HAO1: variants seen among roughly 807,000 people sequenced by gnomAD.
HAO1 encodes 2-Hydroxyacid oxidase 1.
Under a neutral mutation model 39.7 loss-of-function variants are expected in HAO1, and 34 were observed. The ratio of observed to expected loss-of-function variants is 0.86; its 90% CI spans 0.65 to 1.14. The LOEUF (loss-of-function observed/expected upper bound fraction) is 1.14, where lower values mean the gene tolerates loss of function less well. Among genes scored for constraint, HAO1 ranks in the 50% most tolerant of loss-of-function variants. The probability of loss-of-function intolerance (pLI) is 0.00; values close to 1 mark genes in which losing one functional copy is unlikely to be tolerated. For missense variants in HAO1, 479 were observed against 464.5 expected, an observed-to-expected ratio of 1.03 and a Z score of -0.29; for synonymous variants, 172 against 173.2, an observed-to-expected ratio of 0.99 and a Z score of 0.05.
intron 3 of HAO1, among the ~76,000 whole-genome samples, chr20:7,907,719 G>A (rs1268040197): frequency 1.3e-5 from 2 of 152,068 alleles, no homozygotes; most frequent in African/African-American, 4.8e-5. Flanking sequence ...CTGTGCCTGA[G>A]GTCTTTTCTC....
intron 4 of HAO1, among the ~76,000 whole-genome samples, chr20:7,903,420 A>G (rs557202423): frequency 6.6e-6 from 1 of 152,214 alleles, no homozygotes; most frequent in South Asian, 2.1e-4. Flanking sequence ...CAAACCAGAA[A>G]TCCATATGGA....
chr20:7,925,174 T>C (rs1401497767), intron 2 of HAO1, among the ~76,000 whole-genome samples: 1 of 152,188 alleles, frequency 6.6e-6, no homozygotes, highest in Non-Finnish European at 1.5e-5. Flanking sequence ...AAGTCAGTGA[T>C]CTAAAAGAAC....
chr20:7,887,116 A>G (rs1396160621), intron 5 of HAO1, among the ~76,000 whole-genome samples: 2 of 152,160 alleles, frequency 1.3e-5, no homozygotes, highest in Non-Finnish European at 2.9e-5. Flanking sequence ...TGTTCATTTT[A>G]TAATGTCATA....
In HAO1 at chr20:7,914,374, G is replaced by A. The variant is rs377526496; in HGVS notation, c.335C>T (p.Thr112Ile). 2.5e-6 allele frequency: 4 copies of A among 1,613,918 alleles called. No homozygotes were observed. Among genetic ancestry groups the A allele is most frequent in the Non-Finnish European group, 3.4e-6 (4 of 1,179,934 alleles). The change falls in exon 3 of 8, where the codon ACC becomes ATC. Residue 112 changes from threonine to isoleucine, a missense_variant. By Grantham distance (89) the Thr-to-Ile change is moderately conservative. Transcript: ENST00000378789. ...GTGMMLSSWATSSIEEVAEAG... is the reference protein window; with the variant it reads ...GTGMMLSSWAISSIEEVAEAG... ...TTCCGCCACTTCTTCAATTGAGGAGGTGGCCCAGGAACTCAACATCATGCC... is the reference window on the plus strand; with the variant it reads ...TTCCGCCACTTCTTCAATTGAGGAGATGGCCCAGGAACTCAACATCATGCC...
At chr20:7,937,887 A>T (rs2050420703) in intron 1 of HAO1, among the ~76,000 whole-genome samples, 1 of 152,140 alleles carries the variant, frequency 6.6e-6, no homozygotes, top group South Asian at 2.1e-4. Context: ...TGCCACAGTA[A>T]TATTAGTCTG....
At chr20:7,927,650 C>T (rs2050365883) in intron 2 of HAO1, among the ~76,000 whole-genome samples, 1 of 152,042 alleles carries the variant, frequency 6.6e-6, no homozygotes, top group Admixed American at 6.5e-5. Context: ...TTTATGCTCC[C>T]AAATTTTGCA....
chr20:7,922,528 C>G (rs1268428014), intron 2 of HAO1, among the ~76,000 whole-genome samples: 1 of 152,094 alleles, frequency 6.6e-6, no homozygotes, highest in Non-Finnish European at 1.5e-5. Flanking sequence ...TTCTCCAATT[C>G]CAAGAATTCC....
intron 5 of HAO1, among the ~76,000 whole-genome samples, chr20:7,893,897 C>T (rs116158605): frequency 0.015 from 2,279 of 152,226 alleles, 64 homozygotes; most frequent in African/African-American, 0.051. Context: ...CAAGGAGAAA[C>T]GGTTGGGCAG....
chr20:7,934,496 C>G lies in HAO1; in HGVS notation c.277G>C (p.Ala93Pro). Residue 93 changes from alanine (A) to proline (P), a missense_variant, in exon 2 of 8, where the codon GCC becomes CCC. Ala to Pro is a conservative substitution (Grantham distance 27). Transcript: ENST00000378789. ...ATCTTCCTCCTACCTCTCACAGTGG[C>G]AAGCTCGCCGTCCACATGAGCCATG... The part of the protein sequence containing the change: ...QRMAHVDGEL[A>P]TVRACQSLGT... 1 of 1,609,948 alleles carries G rather than the reference C, an allele frequency of 6.2e-7. No individual in the cohort carries two copies. The highest frequency in any genetic ancestry group is 8.5e-7 in the Non-Finnish European group (1 of 1,178,674).
At position 7,914,199 on chromosome 20, in the gene HAO1, A is replaced by G. The variant is rs2122776994; in HGVS notation, c.510T>C (p.Asp170=). 1.9e-6 allele frequency: 3 copies of G among 1,614,050 alleles called. No homozygotes were observed. The East Asian group carries it at 6.7e-5, about 36-fold the overall frequency. Reference sequence around the variant, plus strand: ...GCGGCAGTTTGAATCTGTTACGCACATCATCCAGACGGTTGCCCAGGTAAG... The same window carrying G: ...GCGGCAGTTTGAATCTGTTACGCACGTCATCCAGACGGTTGCCCAGGTAAG... ...DTPYLGNRLD[D]VRNRFKLPPQ... Residue 170 remains aspartate, a synonymous_variant, in exon 3 of 8, where the codon GAT becomes GAC. Transcript: ENST00000378789.
intron 1 of HAO1, among the ~76,000 whole-genome samples, chr20:7,938,825 T>C (rs1600124859): frequency 6.6e-6 from 1 of 152,278 alleles, no homozygotes; most frequent in Middle Eastern, 3.4e-3. Context: ...ACAGTGTAGC[T>C]CATGGAGACT....
Position 7,883,474 on chromosome 20 carries a change from C to T in HAO1, c.*119G>A, listed in dbSNP as rs945727858. 33 of 766,832 alleles carry T rather than the reference C, an allele frequency of 4.3e-5. No individual in the cohort carries two copies. Among genetic ancestry groups the T allele is most frequent in the East Asian group, 3.0e-4 (12 of 39,524 alleles). The allele number at this position is 766,832 out of a possible 1,614,324, so 47.5% of individuals were successfully genotyped here. On this transcript the variant is annotated 3_prime_UTR_variant, in exon 8 of 8. Coordinates refer to ENST00000378789, the MANE Select transcript of HAO1 (RefSeq NM_017545.3). Reference sequence around the variant, plus strand: ...GGATTGCTATTTTGTTGGAAAAGAACGACACCCTTTGTATTGAAGTGGGGA... The same window carrying T: ...GGATTGCTATTTTGTTGGAAAAGAATGACACCCTTTGTATTGAAGTGGGGA...
intron 2 of HAO1, among the ~76,000 whole-genome samples, chr20:7,922,025 T>C (rs1477920607): frequency 1.3e-5 from 2 of 152,088 alleles, no homozygotes; most frequent in African/African-American, 2.4e-5. Flanking sequence ...ACCTAGGTGA[T>C]GGATTCATTT....
At chr20:7,921,513 A>T (rs149640489) in intron 2 of HAO1, among the ~76,000 whole-genome samples, 34 of 152,262 alleles carry the variant, frequency 2.2e-4, no homozygotes, top group Non-Finnish European at 4.3e-4. Flanking sequence ...AGGGAATGTA[A>T]ATTAAATAAG....
At position 7,914,330 on chromosome 20, in the gene HAO1, G is replaced by C. The variant is rs772397650; in HGVS notation, c.379C>G (p.Arg127Gly). The part of the protein sequence containing the change: ...EVAEAGPEAL[R>G]WLQLYIYKDR... ...TTGTAGATATACAGTTGCAGCCAAC[G>C]AAGTGCCTCAGGACCAGCTTCCGCC... The change falls in exon 3 of 8, where the codon CGT becomes GGT. Residue 127 changes from arginine to glycine, a missense_variant. Arg to Gly is a moderately radical substitution (Grantham distance 125, BLOSUM62 -2). Transcript: ENST00000378789. 1 of 1,613,982 alleles carries C rather than the reference G, an allele frequency of 6.2e-7. No homozygotes were observed. Among genetic ancestry groups the C allele is most frequent in the African/African-American group, 1.3e-5 (1 of 75,032 alleles).
intron 1 of HAO1, among the ~76,000 whole-genome samples, chr20:7,936,541 TGTGTGTTCGCGCG>T (rs1568522167): frequency 3.4e-4 from 50 of 147,876 alleles, no homozygotes; most frequent in Non-Finnish European, 4.5e-5. Context: ...TGTGTGTGTG[TGTGTGTTCGCGCG>T]CGCGCGCGCG....
chr20:7,888,809 T>C lies in HAO1; in HGVS notation c.814-2945A>G, dbSNP rs2294305. ...TGAACTTATGATTTGCTTTCATCAG[T>C]GGAATTGAGAGAAGTGACAGGATGC... On this transcript the variant is annotated intron_variant, in intron 5 of 7. Transcript: ENST00000378789. Among the ~76,000 whole-genome samples, 11,895 of 152,156 alleles carry C rather than the reference T, an allele frequency of 0.078. 1,054 individuals are homozygous for C. The highest frequency in any genetic ancestry group is 0.42 in the East Asian group (2,165 of 5,160).
intron 4 of HAO1, among the ~76,000 whole-genome samples, chr20:7,900,376 A>G (rs763063103): frequency 2.6e-5 from 4 of 152,134 alleles, no homozygotes; most frequent in Non-Finnish European, 5.9e-5. Context: ...TAATTAAGGT[A>G]TGTACAATGC....
intron 2 of HAO1, among the ~76,000 whole-genome samples, chr20:7,929,350 A>G (rs979718596): frequency 2.0e-5 from 3 of 152,304 alleles, no homozygotes; most frequent in Non-Finnish European, 4.4e-5. Flanking sequence ...TCTAGCATTT[A>G]TTTCATGAAT....
Sources: allele counts gnomAD v4.1 joint callset (sites outside exome capture counted in the v4.1 genomes callset), GRCh38; gene constraint gnomAD v4.1.1; transcripts MANE v1.5; gene names NCBI Gene and HGNC (gene_info 2026-07-23, HGNC 2026-07-21).